GDA: variants seen among roughly 807,000 people sequenced by gnomAD.
The protein encoded by GDA is guanine deaminase.
Under a neutral mutation model 59.6 loss-of-function variants are expected in GDA, and 18 were observed. That is an observed-to-expected ratio of 0.30 (90% CI 0.21 to 0.45). The LOEUF (loss-of-function observed/expected upper bound fraction) is 0.45. Ranked by LOEUF, GDA falls within the 20% of genes least tolerant of loss-of-function variation. GDA has a pLI of 1.00. For synonymous variants in GDA, 201 were observed against 201.1 expected, an observed-to-expected ratio of 1.00 and a Z score of 0.00; for missense variants, 427 against 552.3, an observed-to-expected ratio of 0.77 and a Z score of 2.27.
Position 72,249,463 on chromosome 9 carries a change from C to T in GDA, c.*1121C>T. 5.2e-6 allele frequency: 4 copies of T among 771,470 alleles called. No homozygotes were observed. Among genetic ancestry groups the T allele is most frequent in the Non-Finnish European group, 6.3e-6 (4 of 635,018 alleles). 47.8% of individuals were successfully genotyped at this position (771,470 alleles called of 1,614,324 possible). On this transcript the variant is annotated 3_prime_UTR_variant, in exon 14 of 14. Coordinates refer to ENST00000358399, the MANE Select transcript of GDA (RefSeq NM_004293.5). ...ATTTTATCCAGTTTTCTGTTTAACT[C>T]CTTATAATGTTTAGGATATTAAAAT...
intron 9 of GDA, 135 bp from the exon 10 acceptor site, chr9:72,230,979 A>G (rs1018032880): frequency 2.0e-5 from 14 of 692,368 alleles, no homozygotes; most frequent in African/African-American, 8.8e-5. Flanking sequence ...GATTTGACTA[A>G]TATGTTTGTG....
intron 1 of GDA, among the ~76,000 whole-genome samples, chr9:72,174,416 T>G (rs2130991148): frequency 6.6e-6 from 1 of 152,368 alleles, no homozygotes; most frequent in African/African-American, 2.4e-5. Context: ...TCTTGTAATC[T>G]TCACAGCTTG....
At chr9:72,205,110 C>CA (rs71357549) in intron 3 of GDA, among the ~76,000 whole-genome samples, 29,157 of 86,168 alleles carry the variant, frequency 0.34, 5,360 homozygotes, top group Admixed American at 0.45. Flanking sequence ...GACTCTGTCT[C>CA]AAAAAAAAAA....
intron 1 of GDA, among the ~76,000 whole-genome samples, chr9:72,124,264 G>C (rs114192727): frequency 6.6e-6 from 1 of 152,212 alleles, no homozygotes; most frequent in African/African-American, 2.4e-5. Context: ...AGAAAGCAAA[G>C]TGTTAAATAT....
At chr9:72,133,285 T>G (rs2130621773) in intron 1 of GDA, among the ~76,000 whole-genome samples, 1 of 25,664 alleles carries the variant, frequency 3.9e-5, no homozygotes, top group South Asian at 1.3e-3. Flanking sequence ...CAAGACTCTG[T>G]CTAAAAAAAA....
At chr9:72,236,842 C>T (rs532185013) in intron 10 of GDA, among the ~76,000 whole-genome samples, 6 of 147,012 alleles carry the variant, frequency 4.1e-5, no homozygotes, top group Middle Eastern at 3.6e-3. Flanking sequence ...TGCAGTGGCA[C>T]GATCTCAGCC....
At chr9:72,190,458 A>G (rs1832395573) in intron 1 of GDA, among the ~76,000 whole-genome samples, 1 of 152,220 alleles carries the variant, frequency 6.6e-6, no homozygotes, top group Non-Finnish European at 1.5e-5. Flanking sequence ...ACTTTAGTGA[A>G]GAATACAGTA....
At chr9:72,149,945 G>A (rs1271174691) in intron 1 of GDA, among the ~76,000 whole-genome samples, 1 of 152,228 alleles carries the variant, frequency 6.6e-6, no homozygotes, top group East Asian at 1.9e-4. Context: ...GGCTGCGGTA[G>A]AGCCGGGAGC....
chr9:72,239,143 T>C (rs1274634249), intron 10 of GDA, among the ~76,000 whole-genome samples: 2 of 152,186 alleles, frequency 1.3e-5, no homozygotes, highest in South Asian at 2.1e-4. Flanking sequence ...GGCAAGTTAC[T>C]GTCACAGTGG....
intron 1 of GDA, among the ~76,000 whole-genome samples, chr9:72,118,273 C>CAAAAAAAAAAA (rs373179585): frequency 2.6e-4 from 17 of 66,150 alleles, no homozygotes; most frequent in African/African-American, 4.1e-4. Context: ...GACTCCACCT[C>CAAAAAAAAAAA]AAAAAAAAAA....
At chr9:72,256,112 C>G (rs1479926863), downstream of GDA, among the ~76,000 whole-genome samples, 1 of 152,002 alleles carries the variant, frequency 6.6e-6, no homozygotes, top group African/African-American at 2.4e-5. Context: ...CTTTTTATGT[C>G]TTTGTAAATT....
At chr9:72,242,644 T>C in intron 11 of GDA, among the ~76,000 whole-genome samples, 1 of 152,194 alleles carries the variant, frequency 6.6e-6, no homozygotes. Flanking sequence ...TAAGCACATT[T>C]CAAGAAAAGC....
chr9:72,212,888 C>T (rs1835561088), intron 4 of GDA, among the ~76,000 whole-genome samples: 1 of 152,008 alleles, frequency 6.6e-6, no homozygotes, highest in Admixed American at 6.5e-5. Flanking sequence ...TGCTCCTTTA[C>T]CATGTGATAA....
chr9:72,161,331 TG>T (rs1225401864), intron 1 of GDA, among the ~76,000 whole-genome samples: 4 of 152,190 alleles, frequency 2.6e-5, no homozygotes, highest in Non-Finnish European at 5.9e-5. Context: ...ACTTAACACA[TG>T]GTGGGCACTC....
intron 3 of GDA, among the ~76,000 whole-genome samples, chr9:72,203,778 A>G (rs1384220463): frequency 6.6e-6 from 1 of 151,492 alleles, no homozygotes; most frequent in African/African-American, 2.4e-5. Context: ...TTGGTCTTGC[A>G]TCATTCCAGT....
In GDA at chr9:72,222,856, G is replaced by A. The variant is rs149100269; in HGVS notation, c.607-264G>A. ...CGAGTAGCTGGGATTACAGGCATGC[G>A]CCACCACGCCCAGCTAATTTTGTAT... On this transcript the variant is annotated intron_variant, in intron 6 of 13. Coordinates refer to ENST00000358399, the MANE Select transcript of GDA (RefSeq NM_004293.5). Among the ~76,000 whole-genome samples the A allele has an allele frequency of 9.4e-3, 1,434 of 151,816 alleles. 25 individuals are homozygous for A. Among genetic ancestry groups the A allele is most frequent in the African/African-American group, 0.033 (1,367 of 41,382 alleles).
At chr9:72,226,059 A>G (rs1837546703) in intron 8 of GDA, among the ~76,000 whole-genome samples, 2 of 151,452 alleles carry the variant, frequency 1.3e-5, no homozygotes, top group Admixed American at 6.6e-5. Flanking sequence ...CCGAAGTTTC[A>G]TCTTAGTGAA....
intron 4 of GDA, among the ~76,000 whole-genome samples, chr9:72,212,678 A>G (rs981899980): frequency 6.6e-6 from 1 of 152,108 alleles, no homozygotes; most frequent in African/African-American, 2.4e-5. Flanking sequence ...AATCTTTCCA[A>G]TTCCAGTGCT....
intron 10 of GDA, among the ~76,000 whole-genome samples, chr9:72,237,090 TC>T (rs202059700): frequency 0.035 from 5,267 of 152,112 alleles, 139 homozygotes; most frequent in Non-Finnish European, 0.05. Flanking sequence ...CAAAACCCCT[TC>T]TTAATCAGAC....
Sources: allele counts gnomAD v4.1 joint callset (sites outside exome capture counted in the v4.1 genomes callset), GRCh38; gene constraint gnomAD v4.1.1; transcripts MANE v1.5; gene names NCBI Gene and HGNC (gene_info 2026-07-23, HGNC 2026-07-21).